The following CALD1 variants were observed in gnomAD, a reference collection of about 807,000 sequenced individuals.
CALD1 encodes caldesmon.
CALD1 carries 33 observed loss-of-function variants against 99.9 expected under a neutral mutation model. The ratio of observed to expected loss-of-function variants is 0.33; its 90% CI spans 0.25 to 0.44. The LOEUF is 0.44. Ranked by LOEUF, CALD1 falls within the 20% of genes least tolerant of loss-of-function variation. The pLI, the probability that CALD1 is intolerant of heterozygous loss-of-function variation, is 1.00. For synonymous variants in CALD1, 310 were observed against 325.0 expected, an observed-to-expected ratio of 0.95 and a Z score of 0.50; for missense variants, 861 against 962.1, an observed-to-expected ratio of 0.89 and a Z score of 1.39.
chr7:134,755,581 C>A (rs1210552427), intron 1 of CALD1, among the ~76,000 whole-genome samples: 1 of 152,172 alleles, frequency 6.6e-6, no homozygotes, highest in Non-Finnish European at 1.5e-5. Flanking sequence ...TCCTTCAGGG[C>A]ACAATTCACA....
At chr7:134,920,839 T>C (rs1186824695) in intron 3 of CALD1, 1 of 453,518 alleles carries the variant, frequency 2.2e-6, no homozygotes, top group South Asian at 1.9e-5. Context: ...TATAGGAATG[T>C]GCAGAAACAA....
At chr7:134,886,836 T>C (rs932506269) in intron 3 of CALD1, among the ~76,000 whole-genome samples, 25 of 152,256 alleles carry the variant, frequency 1.6e-4, no homozygotes, top group Admixed American at 1.6e-3. Context: ...TACTGTTCAC[T>C]TTCTGTCTTA....
chr7:134,951,210 G>A (rs570047960), intron 9 of CALD1, among the ~76,000 whole-genome samples: 1 of 152,266 alleles, frequency 6.6e-6, no homozygotes, highest in Non-Finnish European at 1.5e-5. Context: ...AACACATCAA[G>A]GACTCAGTTT....
At chr7:134,711,616 A>T in the CALD1 span, among the ~76,000 whole-genome samples, 1 of 129,106 alleles carries the variant, frequency 7.7e-6, no homozygotes, top group Admixed American at 8.5e-5. Flanking sequence ...ATTCCTTAAA[A>T]TCAACCTCAG....
intron 7 of CALD1, among the ~76,000 whole-genome samples, chr7:134,942,398 A>C (rs1404907872): frequency 1.3e-5 from 2 of 152,222 alleles, no homozygotes; most frequent in Non-Finnish European, 2.9e-5. Flanking sequence ...TTTTGTACGT[A>C]AATTTAAGCA....
At chr7:134,775,710 CA>C (rs56224432), upstream of CALD1, among the ~76,000 whole-genome samples, 132,159 of 136,080 alleles carry the variant, frequency 0.97, 64,163 homozygotes, top group South Asian at 0.99. Context: ...GACTCCGTCT[CA>C]AAAAAAAAAA....
intron 3 of CALD1, among the ~76,000 whole-genome samples, chr7:134,882,289 T>C (rs986241065): frequency 6.6e-6 from 1 of 152,214 alleles, no homozygotes; most frequent in Admixed American, 6.5e-5. Flanking sequence ...CTTCAAGCCA[T>C]TGCAATTTCA....
intron 3 of CALD1, among the ~76,000 whole-genome samples, chr7:134,893,948 C>T (rs1349746280): frequency 1.3e-5 from 2 of 152,080 alleles, no homozygotes; most frequent in Admixed American, 1.3e-4. Flanking sequence ...CATAAGATCA[C>T]ATAAACAAAG....
chr7:134,830,588 G>A (rs559138629), intron 1 of CALD1, among the ~76,000 whole-genome samples: 315 of 151,948 alleles, frequency 2.1e-3, no homozygotes, highest in Middle Eastern at 6.8e-3. Flanking sequence ...ATAGGCCCCA[G>A]TGTGTGTTGT....
At chr7:134,735,521 T>C in the CALD1 span, among the ~76,000 whole-genome samples, 1 of 151,514 alleles carries the variant, frequency 6.6e-6, no homozygotes, top group Non-Finnish European at 1.5e-5. Context: ...TAAACACTCC[T>C]ACAGGAATGC....
At position 134,843,890 on chromosome 7, in the gene CALD1, T is replaced by C. The variant is rs932742052; in HGVS notation, c.-123T>C. The C allele has an allele frequency of 5.9e-5, 9 of 152,216 alleles. No individual in the cohort carries two copies. Among genetic ancestry groups the C allele is most frequent in the African/African-American group, 2.2e-4 (9 of 41,456 alleles). The allele number at this position is 152,216 out of a possible 1,614,324, so 9.4% of individuals were successfully genotyped here. ...CATCCTCCTTTTATTCCAGGTATCATTGGAACATTTCAAGATCATCAAATC... is the reference window on the plus strand; with the variant it reads ...CATCCTCCTTTTATTCCAGGTATCACTGGAACATTTCAAGATCATCAAATC... On this transcript the variant is annotated 5_prime_UTR_variant, in exon 2 of 15. Coordinates refer to ENST00000361675, the MANE Select transcript of CALD1 (RefSeq NM_033138.4).
At chr7:134,853,030 C>T (rs974400256) in intron 2 of CALD1, among the ~76,000 whole-genome samples, 4 of 152,148 alleles carry the variant, frequency 2.6e-5, no homozygotes, top group African/African-American at 7.2e-5. Flanking sequence ...CTTTTATTGT[C>T]GGAAGTTCAC....
chr7:134,801,302 C>T lies in CALD1; in HGVS notation c.-130+21553C>T, dbSNP rs114122618. On this transcript the variant is annotated intron_variant, in intron 1 of 14. Transcript: ENST00000361675. ...GCTATTATTGTTTAATAATCTGTTT[C>T]GTTTTTAAACCTTGACAAATTCATT... Among the ~76,000 whole-genome samples the T allele has an allele frequency of 6.8e-3, 1,029 of 152,200 alleles. 17 individuals are homozygous for T. Among genetic ancestry groups the T allele is most frequent in the African/African-American group, 0.023 (963 of 41,540 alleles).
intron 1 of CALD1, among the ~76,000 whole-genome samples, chr7:134,821,556 G>C (rs1823776): frequency 6.6e-6 from 1 of 150,494 alleles, no homozygotes; most frequent in Non-Finnish European, 1.5e-5. Flanking sequence ...TACTTTTTTG[G>C]GGTTAACTTT....
rs146035968 is a variant in CALD1, at chr7:134,955,188, G to A, written c.1936-2881G>A. Among the ~76,000 whole-genome samples, 503 of 152,296 alleles carry A rather than the reference G, an allele frequency of 3.3e-3. 6 individuals are homozygous for A. Among genetic ancestry groups the A allele is most frequent in the African/African-American group, 0.012 (489 of 41,564 alleles). On this transcript the variant is annotated intron_variant, in intron 9 of 14. Transcript: ENST00000361675. ...GGGCGAATCATGAGGTCAAGAGATC[G>A]AGGCCATCCTGGCCAACATGGTGAA...
chr7:134,826,594 T>A (rs1239715057), intron 1 of CALD1, among the ~76,000 whole-genome samples: 1 of 152,156 alleles, frequency 6.6e-6, no homozygotes, highest in Non-Finnish European at 1.5e-5. Context: ...CCACGAACAC[T>A]GTTGCCTGAA....
chr7:134,864,140 G>A (rs1418344211), intron 2 of CALD1, among the ~76,000 whole-genome samples: 1 of 152,124 alleles, frequency 6.6e-6, no homozygotes, highest in Non-Finnish European at 1.5e-5. Context: ...CCTGAGGTCA[G>A]GAGTTAGAGA....
intron 5 of CALD1, among the ~76,000 whole-genome samples, 195 bp from the exon 6 acceptor site, chr7:134,935,493 A>C (rs576210055): frequency 6.6e-6 from 1 of 152,338 alleles, no homozygotes; most frequent in Non-Finnish European, 1.5e-5. Flanking sequence ...AATGGCAGGC[A>C]CACGAGAAGA....
chr7:134,933,533 A>G lies in CALD1; in HGVS notation c.764A>G (p.Glu255Gly). 1.2e-6 allele frequency: 2 copies of G among 1,613,928 alleles called. No individual in the cohort carries two copies. The highest frequency in any genetic ancestry group is 1.7e-6 in the Non-Finnish European group (2 of 1,179,926). The part of the protein sequence containing the change: ...EQGSDEISHH[E>G]KMEEEDKERA... ...GGTTCAGATGAGATTTCCCATCATGAAAAGATGGAAGAGGAAGACAAGGAA... is the reference window on the plus strand; with the variant it reads ...GGTTCAGATGAGATTTCCCATCATGGAAAGATGGAAGAGGAAGACAAGGAA... The change falls in exon 5 of 15, where the codon GAA (glutamate) becomes GGA (glycine). Residue 255 changes from glutamate to glycine, a missense_variant. Glu to Gly is a moderately conservative substitution (Grantham distance 98, BLOSUM62 -2). Coordinates refer to ENST00000361675, the MANE Select transcript of CALD1 (RefSeq NM_033138.4).
Sources: gnomAD v4.1 joint callset for allele counts (sites outside exome capture counted in the v4.1 genomes callset) on GRCh38, gnomAD v4.1.1 for gene constraint, MANE v1.5 for transcripts, NCBI Gene and HGNC (gene_info 2026-07-23, HGNC 2026-07-21) for gene names.